BRAF: variants seen among roughly 807,000 people sequenced by gnomAD.
The protein encoded by BRAF is serine/threonine-protein kinase B-raf.
Under a neutral mutation model 104.6 loss-of-function variants are expected in BRAF, and 16 were observed. The ratio of observed to expected loss-of-function variants is 0.15; its 90% CI spans 0.10 to 0.23. BRAF has a LOEUF of 0.23. Ranked by LOEUF, BRAF falls within the 10% of genes least tolerant of loss-of-function variation. BRAF has a pLI of 1.00. For missense variants in BRAF, 541 were observed against 937.3 expected, an observed-to-expected ratio of 0.58 and a Z score of 5.52; for synonymous variants, 310 against 341.6, an observed-to-expected ratio of 0.91 and a Z score of 1.02.
At position 140,924,447 on chromosome 7, in the gene BRAF, G is replaced by T; in HGVS notation, c.138+119C>A. 1 of 1,430,418 alleles carries T rather than the reference G, an allele frequency of 7.0e-7. No homozygotes were observed. Among genetic ancestry groups the T allele is most frequent in the Non-Finnish European group, 9.5e-7 (1 of 1,057,148 alleles). The allele number at this position is 1,430,418 out of a possible 1,614,324, so 88.6% of individuals were successfully genotyped here. On this transcript the variant is annotated intron_variant, in intron 1 of 19. Transcript: ENST00000644969. The surrounding 1 kb of genome is among the most constrained non-coding windows in gnomAD (Gnocchi z 4.2). ...CGATGCCCACCTCCCAGCCCGCGGA[G>T]CTGGCCCGAGAAGGTGGCTGAGGGC...
rs1353839154 is a variant in BRAF, at chr7:140,749,123, G to A, written c.2112+164C>T. On this transcript the variant is annotated intron_variant, in intron 17 of 19. Coordinates refer to ENST00000644969, the MANE Select transcript of BRAF (RefSeq NM_001374258.1). ...TGATATTCTGAGGAAAGGACTTAAC[G>A]TGTTGCTATTACTGCCAAAAGTATA... 20 of 774,278 alleles carry A rather than the reference G, an allele frequency of 2.6e-5. No homozygotes were observed. In the East Asian group the frequency reaches 3.1e-4, roughly 12 times the overall value. The allele number at this position is 774,278 out of a possible 1,614,324, so 48.0% of individuals were successfully genotyped here.
intron 1 of BRAF, among the ~76,000 whole-genome samples, chr7:140,861,095 C>A (rs577770818): frequency 6.6e-6 from 1 of 152,166 alleles, no homozygotes; most frequent in Non-Finnish European, 1.5e-5. Flanking sequence ...TGTCAACAAT[C>A]TACAGAAAAA....
At position 140,846,630 on chromosome 7, in the gene BRAF, A is replaced by C. The variant is rs150920443; in HGVS notation, c.240+3481T>G. 1.5e-3 allele frequency among the ~76,000 whole-genome samples: 235 copies of C among 152,312 alleles called. 1 individual carries two copies. Among genetic ancestry groups the C allele is most frequent in the Non-Finnish European group, 2.5e-3 (172 of 68,024 alleles). On this transcript the variant is annotated intron_variant, in intron 2 of 19. Transcript: ENST00000644969. Reference sequence around the variant, plus strand: ...GATACACAAAAACATGAATGGACTTAATGCCACAGAACCATATACTTAAAA... The same window carrying C: ...GATACACAAAAACATGAATGGACTTCATGCCACAGAACCATATACTTAAAA...
intron 1 of BRAF, among the ~76,000 whole-genome samples, chr7:140,912,049 A>G (rs1817042833): frequency 6.6e-6 from 1 of 152,212 alleles, no homozygotes; most frequent in African/African-American, 2.4e-5. Context: ...GCTACTCGGG[A>G]AGCTGAGGTG....
Position 140,720,139 on chromosome 7 carries a change from G to C in BRAF, c.*6355C>G, listed in dbSNP as rs1270186222. On this transcript the variant is annotated 3_prime_UTR_variant, in exon 20 of 20. Transcript: ENST00000644969. Reference sequence around the variant, plus strand: ...GATGAATGATCAAATTCAATCCCCTGATCAGTTGTATGATCCTATCTTAGG... The same window carrying C: ...GATGAATGATCAAATTCAATCCCCTCATCAGTTGTATGATCCTATCTTAGG... 4.7e-6 allele frequency: 5 copies of C among 1,061,238 alleles called. No homozygotes were observed. The highest frequency in any genetic ancestry group is 5.7e-6 in the Non-Finnish European group (5 of 876,864). The allele number at this position is 1,061,238 out of a possible 1,614,324, so 65.7% of individuals were successfully genotyped here.
rs1157864628 is a variant in BRAF, at chr7:140,723,973, T to C, written c.*2521A>G. On this transcript the variant is annotated 3_prime_UTR_variant, in exon 20 of 20. Coordinates refer to ENST00000644969, the MANE Select transcript of BRAF (RefSeq NM_001374258.1). ...TAAACTAGAGAAAAAACCTATTTCA[T>C]AGAAAAAGGAAGAAAAGAGAGGTTT... is the stretch of plus-strand genomic sequence containing the variant. The C allele has an allele frequency of 5.8e-6, 6 of 1,041,014 alleles. No individual in the cohort carries two copies. In the East Asian group the frequency reaches 1.7e-4, roughly 30 times the overall value. The allele number at this position is 1,041,014 out of a possible 1,614,324, so 64.5% of individuals were successfully genotyped here. A position where few individuals can be genotyped will look rare whatever the true frequency, so the allele number is the denominator to read the frequency against.
intron 18 of BRAF, among the ~76,000 whole-genome samples, chr7:140,735,729 T>C (rs189371131): frequency 6.6e-6 from 1 of 152,030 alleles, no homozygotes; most frequent in Non-Finnish European, 1.5e-5. Context: ...GCTAAATTTT[T>C]GTATTTTTAG....
At chr7:140,822,490 A>G (rs1357364149) in intron 3 of BRAF, 1 of 152,220 alleles carries the variant, frequency 6.6e-6, no homozygotes, top group East Asian at 1.9e-4. Context: ...GTCACTATAG[A>G]AGAGTTTGCA....
intron 1 of BRAF, among the ~76,000 whole-genome samples, chr7:140,898,255 T>C (rs1815186722): frequency 6.6e-6 from 1 of 151,938 alleles, no homozygotes; most frequent in Non-Finnish European, 1.5e-5. Context: ...ATATTTGACA[T>C]GATGGATAAA....
chr7:140,817,050 T>C (rs1267592356), intron 3 of BRAF, among the ~76,000 whole-genome samples: 1 of 152,126 alleles, frequency 6.6e-6, no homozygotes, highest in Non-Finnish European at 1.5e-5. Flanking sequence ...ATCTTATATT[T>C]GGAAAAACCT....
intron 1 of BRAF, among the ~76,000 whole-genome samples, chr7:140,870,611 C>A (rs1811468349): frequency 6.7e-6 from 1 of 149,830 alleles, no homozygotes; most frequent in African/African-American, 2.5e-5. Flanking sequence ...TGATATCACC[C>A]TTCTGACTTA....
chr7:140,885,980 T>C (rs1189111379), intron 1 of BRAF, among the ~76,000 whole-genome samples: 2 of 152,210 alleles, frequency 1.3e-5, no homozygotes, highest in Non-Finnish European at 2.9e-5. Flanking sequence ...AGTAAGAGTT[T>C]AGGAGAAGAC....
At chr7:140,773,185 GTC>G (rs1800013563) in intron 14 of BRAF, 1 of 152,142 alleles carries the variant, frequency 6.6e-6, no homozygotes, top group Admixed American at 6.5e-5. Context: ...GTGTTTTACA[GTC>G]TCTCTTATTT....
Position 140,720,106 on chromosome 7 carries a change from C to T in BRAF, c.*6388G>A. On this transcript the variant is annotated 3_prime_UTR_variant, in exon 20 of 20. Transcript: ENST00000644969. ...ACAACTACTGAATAAAATTCAGAGA[C>T]ACATGTTGATGAATGATCAAATTCA... The T allele has an allele frequency of 9.4e-7, 1 of 1,060,850 alleles. No individual in the cohort carries two copies. Among genetic ancestry groups the T allele is most frequent in the Non-Finnish European group, 1.1e-6 (1 of 876,530 alleles). The allele number at this position is 1,060,850 out of a possible 1,614,324, so 65.7% of individuals were successfully genotyped here. A position where few individuals can be genotyped will look rare whatever the true frequency, so the allele number is the denominator to read the frequency against.
At chr7:140,760,743 C>T (rs1471006536) in intron 14 of BRAF, among the ~76,000 whole-genome samples, 1 of 151,770 alleles carries the variant, frequency 6.6e-6, no homozygotes, top group African/African-American at 2.4e-5. Flanking sequence ...GTGAAGAATG[C>T]AGAAGCCTCA....
chr7:140,760,449 T>C (rs530862582), intron 14 of BRAF, among the ~76,000 whole-genome samples: 1 of 150,552 alleles, frequency 6.6e-6, no homozygotes, highest in South Asian at 2.1e-4. Context: ...AGATGTTTTC[T>C]GGAGCAGCAG....
rs146036066 is a variant in BRAF at position 140,888,862 on chromosome 7, G to C, written c.138+35704C>G. 4.9e-4 allele frequency among the ~76,000 whole-genome samples: 75 copies of C among 152,010 alleles called. 1 individual carries two copies. The East Asian group carries it at 0.013, about 27-fold the overall frequency. ...AAAAAAAAAAAAATTCTAATCTAGT[G>C]GTCCTTAACCAGAAGCAATTTTGCC... On this transcript the variant is annotated intron_variant, in intron 1 of 19. Transcript: ENST00000644969.
In BRAF at chr7:140,856,409, G is replaced by A. The variant is rs1008374229; in HGVS notation, c.139-6197C>T. 7.9e-5 allele frequency among the ~76,000 whole-genome samples: 12 copies of A among 152,184 alleles called. No individual in the cohort carries two copies. The South Asian group carries it at 8.3e-4, about 11-fold the overall frequency. On this transcript the variant is annotated intron_variant, in intron 1 of 19. Coordinates refer to ENST00000644969, the MANE Select transcript of BRAF (RefSeq NM_001374258.1). ...AGAACATTCCTGAAAAACAGAAAAC[G>A]AATATAATCAGTTTGACAAAGAAAT...
intron 17 of BRAF, among the ~76,000 whole-genome samples, chr7:140,743,050 A>C (rs931868645): frequency 6.6e-6 from 1 of 152,314 alleles, no homozygotes; most frequent in South Asian, 2.1e-4. Flanking sequence ...TTAGAATCAC[A>C]ATCATTAAAA....
Sources: allele counts gnomAD v4.1 joint callset (sites outside exome capture counted in the v4.1 genomes callset), GRCh38; gene constraint gnomAD v4.1.1; non-coding constraint Gnocchi (gnomAD v3.1); transcripts MANE v1.5; gene names NCBI Gene and HGNC (gene_info 2026-07-23, HGNC 2026-07-21).